The following DGKB variants were observed in gnomAD, a reference collection of about 807,000 sequenced individuals.
The protein encoded by DGKB is 90 kDa diacylglycerol kinase.
Under a neutral mutation model 114.3 loss-of-function variants are expected in DGKB, and 67 were observed. That is an observed-to-expected ratio of 0.59 (90% confidence interval 0.48 to 0.72). The LOEUF is 0.72. DGKB is among the 30% of genes least tolerant of loss of function. The pLI, the probability that DGKB is intolerant of heterozygous loss-of-function variation, is 0.00. For synonymous variants in DGKB, 398 were observed against 323.1 expected (o/e 1.23, Z -2.49); for missense variants, 907 against 975.2 (o/e 0.93, Z 0.93).
intron 20 of DGKB, among the ~76,000 whole-genome samples, chr7:14,570,134 T>G (rs1798154984): frequency 6.6e-6 from 1 of 151,326 alleles, no homozygotes. Flanking sequence ...TTTTATTACT[T>G]TTTTAAATTT....
At chr7:14,314,729 T>G (rs377395761) in intron 23 of DGKB, among the ~76,000 whole-genome samples, 1 of 151,520 alleles carries the variant, frequency 6.6e-6, no homozygotes. Context: ...TCCAGGAGAA[T>G]TTCCCCAATC....
chr7:14,822,303 A>G (rs1002999380), intron 2 of DGKB, among the ~76,000 whole-genome samples: 5 of 152,142 alleles, frequency 3.3e-5, no homozygotes, highest in African/African-American at 1.2e-4. Flanking sequence ...GAGGAAATGA[A>G]AGTTAAGTTT....
At chr7:14,691,231 G>C (rs951107441) in intron 9 of DGKB, among the ~76,000 whole-genome samples, 10 of 152,144 alleles carry the variant, frequency 6.6e-5, no homozygotes, top group African/African-American at 1.9e-4. Flanking sequence ...TGTGTAATTT[G>C]ACTAGGACAC....
intron 21 of DGKB, among the ~76,000 whole-genome samples, chr7:14,363,959 G>A (rs191453647): frequency 6.6e-6 from 1 of 152,050 alleles, no homozygotes; most frequent in East Asian, 1.9e-4. Flanking sequence ...TAACATAGAA[G>A]AAAAGAAATA....
intron 1 of DGKB, among the ~76,000 whole-genome samples, chr7:14,889,684 T>A (rs1780877103): frequency 6.6e-6 from 1 of 151,576 alleles, no homozygotes; most frequent in Non-Finnish European, 1.5e-5. Context: ...CAATAGTTTA[T>A]ATTCAATCTC....
At chr7:14,655,112 A>G (rs1815492807) in intron 13 of DGKB, among the ~76,000 whole-genome samples, 1 of 151,876 alleles carries the variant, frequency 6.6e-6, no homozygotes, top group Non-Finnish European at 1.5e-5. Flanking sequence ...ATATTGGGAG[A>G]AAATATCTAC....
chr7:14,441,184 A>G (rs915276426), intron 21 of DGKB, among the ~76,000 whole-genome samples: 4 of 151,840 alleles, frequency 2.6e-5, no homozygotes, highest in African/African-American at 9.7e-5. Context: ...AATTTTTTGT[A>G]TTTTTAGTAG....
chr7:14,194,189 CACT>C (rs1356495363), intron 23 of DGKB, among the ~76,000 whole-genome samples: 1 of 152,052 alleles, frequency 6.6e-6, no homozygotes, highest in Non-Finnish European at 1.5e-5. Context: ...CTAGCAATTC[CACT>C]ACTGGATGTA....
At chr7:14,450,755 C>G (rs1563208709) in intron 21 of DGKB, among the ~76,000 whole-genome samples, 2 of 151,976 alleles carry the variant, frequency 1.3e-5, no homozygotes, top group Non-Finnish European at 2.9e-5. Context: ...AGGAGGTGTC[C>G]TATCAAGTGG....
intron 23 of DGKB, among the ~76,000 whole-genome samples, chr7:14,335,453 AAATTT>A (rs1810474766): frequency 6.6e-6 from 1 of 152,138 alleles, no homozygotes; most frequent in African/African-American, 2.4e-5. Context: ...AACAGTGTAA[AAATTT>A]AGTTGAAACT....
intron 23 of DGKB, among the ~76,000 whole-genome samples, chr7:14,331,458 CAACTT>C (rs1809698829): frequency 6.6e-6 from 1 of 151,936 alleles, no homozygotes; most frequent in Non-Finnish European, 1.5e-5. Flanking sequence ...TATATTTAGA[CAACTT>C]AAAACACTGC....
In DGKB at chr7:14,753,958, C is replaced by A. The variant is rs1244024200; in HGVS notation, c.148-10G>T. 2.0e-6 allele frequency: 3 copies of A among 1,508,736 alleles called. No homozygotes were observed. The highest frequency in any genetic ancestry group is 1.2e-5 in the South Asian group (1 of 83,928). The allele number at this position is 1,508,736 out of a possible 1,614,324, so 93.5% of individuals were successfully genotyped here. A position where few individuals can be genotyped will look rare whatever the true frequency, so the allele number is the denominator to read the frequency against. The stretch of plus-strand genomic sequence containing the variant: ...TAAGAATGTCTTGTTTCTGTGCATG[C>A]AAGGAAAGAAAGAATACATGTGTTA... On this transcript the variant is annotated splice_polypyrimidine_tract_variant and intron_variant, in intron 3 of 25. Transcript: ENST00000402815.
intron 20 of DGKB, among the ~76,000 whole-genome samples, chr7:14,549,028 G>A (rs1020348335): frequency 1.3e-5 from 2 of 150,882 alleles, no homozygotes; most frequent in African/African-American, 4.9e-5. Flanking sequence ...GGAAAGAGTA[G>A]AACAGAAAAA....
At chr7:14,321,975 C>T (rs879402405) in intron 23 of DGKB, among the ~76,000 whole-genome samples, 4 of 152,136 alleles carry the variant, frequency 2.6e-5, no homozygotes, top group Non-Finnish European at 4.4e-5. Context: ...TAATTTTATT[C>T]AAAATCCCTG....
chr7:14,649,704 T>C (rs1044232493), intron 13 of DGKB, among the ~76,000 whole-genome samples: 4 of 140,892 alleles, frequency 2.8e-5, no homozygotes, highest in Non-Finnish European at 4.6e-5. Context: ...GACTGGCAAA[T>C]TGGATAAAGA....
At chr7:14,912,102 G>C (rs1013905687) in intron 1 of DGKB, among the ~76,000 whole-genome samples, 11 of 152,166 alleles carry the variant, frequency 7.2e-5, no homozygotes, top group African/African-American at 2.4e-4. Context: ...AATATAAATA[G>C]AGGCAACTTT....
At chr7:14,558,680 A>C (rs150615479) in intron 20 of DGKB, among the ~76,000 whole-genome samples, 6 of 152,328 alleles carry the variant, frequency 3.9e-5, no homozygotes, top group South Asian at 4.1e-4. Flanking sequence ...AGCCGCTAAG[A>C]AAAACCAAGA....
At chr7:14,697,369 A>G (rs1303430668) in intron 8 of DGKB, among the ~76,000 whole-genome samples, 3 of 152,176 alleles carry the variant, frequency 2.0e-5, no homozygotes, top group Non-Finnish European at 2.9e-5. Flanking sequence ...ACATATACAC[A>G]AGGTAACATG....
intron 20 of DGKB, among the ~76,000 whole-genome samples, chr7:14,500,013 T>C (rs766740062): frequency 6.6e-6 from 1 of 151,882 alleles, no homozygotes. Flanking sequence ...CCAGGACTAC[T>C]ATAACCTAAA....
Sources: gnomAD v4.1 joint callset for allele counts (sites outside exome capture counted in the v4.1 genomes callset) on GRCh38, gnomAD v4.1.1 for gene constraint, MANE v1.5 for transcripts, NCBI Gene and HGNC (gene_info 2026-07-23, HGNC 2026-07-21) for gene names.